Variants in KIF20A observed in about 807,000 individuals in gnomAD.
The protein encoded by KIF20A is kinesin-like protein KIF20A.
KIF20A carries 66 observed loss-of-function variants against 113.0 expected under a neutral mutation model. The ratio of observed to expected loss-of-function variants is 0.58; its 90% confidence interval spans 0.48 to 0.72. The LOEUF is 0.72. Ranked by LOEUF, KIF20A falls within the 30% of genes least tolerant of loss-of-function variation. The probability of loss-of-function intolerance (pLI) is 0.00; values close to 1 mark genes in which losing one functional copy is unlikely to be tolerated. For missense variants in KIF20A, 927 were observed against 1,077.6 expected, an observed-to-expected ratio of 0.86 and a Z score of 1.96; for synonymous variants, 376 against 402.3, an observed-to-expected ratio of 0.93 and a Z score of 0.78.
Position 138,184,271 on chromosome 5 carries a change from G to A in KIF20A, c.1385G>A (p.Ser462Asn), listed in dbSNP as rs1380517116. 6.2e-7 allele frequency: 1 copy of A among 1,614,046 alleles called. No homozygotes were observed. Among genetic ancestry groups the A allele is most frequent in the Non-Finnish European group, 8.5e-7 (1 of 1,180,030 alleles). The change falls in exon 12 of 19, where the codon AGC becomes AAC. Residue 462 changes from serine (S) to asparagine (N), a missense_variant. Coordinates refer to ENST00000394894, the MANE Select transcript of KIF20A (RefSeq NM_005733.3). ...SKQNLVPFRD[S>N]KLTRVFQGFF... ...CAGAACCTGGTTCCCTTCCGTGACAGCAAGTTGACTCGAGTGTTCCAAGGT... is the reference window on the plus strand; with the variant it reads ...CAGAACCTGGTTCCCTTCCGTGACAACAAGTTGACTCGAGTGTTCCAAGGT...
intron 4 of KIF20A, chr5:138,181,963 C>T: frequency 1.7e-6 from 1 of 589,642 alleles, no homozygotes; most frequent in Non-Finnish European, 3.0e-6. Context: ...GATAGTGTGG[C>T]TCAATGAATG....
At chr5:138,185,462 C>A in intron 15 of KIF20A, 50 bp from the exon 16 acceptor site, 1 of 1,549,064 alleles carries the variant, frequency 6.5e-7, no homozygotes, top group Non-Finnish European at 8.9e-7. Flanking sequence ...TCTGTCTTAG[C>A]AATATTTTTC....
chr5:138,183,243 A>C lies in KIF20A; in HGVS notation c.907A>C (p.Ile303Leu). 6.2e-7 allele frequency: 1 copy of C among 1,614,106 alleles called. No homozygotes were observed. Among genetic ancestry groups the C allele is most frequent in the Non-Finnish European group, 8.5e-7 (1 of 1,180,032 alleles). The part of the protein sequence containing the change: ...VPANIRFSIW[I>L]SFFEIYNELL... Reference sequence around the variant, plus strand: ...GGCAAACATTCGCTTCTCCATCTGGATCTCATTCTTTGAGATCTACAACGA... The same window carrying C: ...GGCAAACATTCGCTTCTCCATCTGGCTCTCATTCTTTGAGATCTACAACGA... The change falls in exon 8 of 19, where the codon ATC becomes CTC. Residue 303 changes from isoleucine (I) to leucine (L), a missense_variant. Ile to Leu is a conservative substitution (Grantham distance 5). Transcript: ENST00000394894. This position sits in a 1 kb window ranked among gnomAD's most constrained non-coding sequence, Gnocchi z 5.2.
rs17171772 is a variant in KIF20A, at chr5:138,179,164, A to G, written c.-60A>G. 0.34 allele frequency: 62,645 copies of G among 182,224 alleles called. 11,127 individuals carry two copies. Among genetic ancestry groups the G allele is most frequent in the South Asian group, 0.43 (4,300 of 10,094 alleles). The allele number at this position is 182,224 out of a possible 1,614,324, so 11.3% of individuals were successfully genotyped here. A position where few individuals can be genotyped will look rare whatever the true frequency, so the allele number is the denominator to read the frequency against. On this transcript the variant is annotated 5_prime_UTR_variant, in exon 1 of 19. Coordinates refer to ENST00000394894, the MANE Select transcript of KIF20A (RefSeq NM_005733.3). ...CCAGCTTCGGCGACTAGGTGTGAGT[A>G]AGCCAGTATCCCAGGAGGAGCAAGT...
chr5:138,184,709 T>A (rs995461544), intron 13 of KIF20A, 33 bp downstream of exon 13: 3 of 1,611,428 alleles, frequency 1.9e-6, no homozygotes, highest in Non-Finnish European at 2.5e-6. Flanking sequence ...GTGTAGCAGC[T>A]TAGTAGCTAC....
At position 138,184,521 on chromosome 5, in the gene KIF20A, G is replaced by GC. The variant is rs1204021793; in HGVS notation, c.1532dup (p.Pro512ThrfsTer17). On this transcript the variant is annotated frameshift_variant, in exon 13 of 19. Transcript: ENST00000394894. LOFTEE classifies it high-confidence loss of function. Reference sequence around the variant, plus strand: ...TTTTTTTTCCCTCTAGCTTGTGCATGCCCCACCTATGCAACTGGGATTCCC... The same window carrying GC: ...TTTTTTTTCCCTCTAGCTTGTGCATGCCCCCACCTATGCAACTGGGATTCCC... The GC allele has an allele frequency of 6.2e-7, 1 of 1,613,524 alleles. No homozygotes were observed. The highest frequency in any genetic ancestry group is 8.5e-7 in the Non-Finnish European group (1 of 1,179,674).
intron 4 of KIF20A, chr5:138,182,018 C>T (rs1754668996): frequency 3.5e-6 from 2 of 568,138 alleles, no homozygotes; most frequent in South Asian, 2.2e-5. Flanking sequence ...AGAGTTAGGA[C>T]CTGAGTCTAG....
intron 2 of KIF20A, among the ~76,000 whole-genome samples, chr5:138,180,848 T>A (rs1017779687): frequency 4.6e-5 from 7 of 152,110 alleles, no homozygotes; most frequent in Non-Finnish European, 5.9e-5. Context: ...AGCTAATTTT[T>A]GTATTTTTAG....
chr5:138,186,257 C>G, intron 17 of KIF20A, 37 bp from the exon 18 acceptor site: 2 of 1,575,282 alleles, frequency 1.3e-6, no homozygotes, highest in Non-Finnish European at 1.7e-6. Context: ...CCTGGTTGCT[C>G]TTGGCCACAA....
rs1403229682 is a variant in KIF20A, at chr5:138,184,313, G to A, written c.1427G>A (p.Gly476Asp). 18 of 1,614,044 alleles carry A rather than the reference G, an allele frequency of 1.1e-5. No individual in the cohort carries two copies. Among genetic ancestry groups the A allele is most frequent in the Non-Finnish European group, 1.4e-5 (16 of 1,180,032 alleles). Residue 476 changes from glycine to aspartate, a missense_variant, in exon 12 of 19, where the codon GGC becomes GAC. Transcript: ENST00000394894. ...RVFQGFFTGR[G>D]RSCMIVNVNP... ...TTCCAAGGTTTCTTCACAGGCCGAG[G>A]CCGTTCCTGCATGATTGTCAATGTG...
Position 138,183,514 on chromosome 5 carries a change from C to T in KIF20A, c.1072C>T (p.Leu358Phe). 6.2e-7 allele frequency: 1 copy of T among 1,614,122 alleles called. No homozygotes were observed. Among genetic ancestry groups the T allele is most frequent in the Non-Finnish European group, 8.5e-7 (1 of 1,180,024 alleles). Reference protein sequence around the residue: ...HVQDAEEAWKLLKVGRKNQSF... With the variant: ...HVQDAEEAWKFLKVGRKNQSF... ...GCAAGATGCTGAGGAGGCCTGGAAG[C>T]TCCTAAAAGTGGGTCGTAAGAACCA... The change falls in exon 9 of 19, where the codon CTC (leucine) becomes TTC (phenylalanine). Residue 358 changes from leucine to phenylalanine, a missense_variant. By Grantham distance (22) the Leu-to-Phe change is conservative (BLOSUM62 0). Coordinates refer to ENST00000394894, the MANE Select transcript of KIF20A (RefSeq NM_005733.3). This position sits in a 1 kb window ranked among gnomAD's most constrained non-coding sequence, Gnocchi z 5.2.
Position 138,182,620 on chromosome 5 carries a change from C to G in KIF20A, c.549C>G (p.Ser183=). ...TIKDGGILPR[S]LALIFNSLQG... Reference sequence around the variant, plus strand: ...AGGATGGAGGGATTCTCCCCCGGTCCCTGGCGCTGATCTTCAATAGCCTCC... The same window carrying G: ...AGGATGGAGGGATTCTCCCCCGGTCGCTGGCGCTGATCTTCAATAGCCTCC... Residue 183 remains serine (S), a synonymous_variant, in exon 6 of 19, where the codon TCC becomes TCG. Coordinates refer to ENST00000394894, the MANE Select transcript of KIF20A (RefSeq NM_005733.3). The G allele has an allele frequency of 3.1e-6, 5 of 1,614,190 alleles. No individual in the cohort carries two copies. Among genetic ancestry groups the G allele is most frequent in the Non-Finnish European group, 4.2e-6 (5 of 1,180,042 alleles).
chr5:138,182,037 A>G (rs1754669363), intron 4 of KIF20A: 1 of 566,044 alleles, frequency 1.8e-6, no homozygotes, highest in Non-Finnish European at 3.1e-6. Context: ...AGATCCATGT[A>G]TCTCCAAAGC....
chr5:138,185,455 G>A (rs1754728832), intron 15 of KIF20A, 57 bp from the exon 16 acceptor site: 3 of 1,525,834 alleles, frequency 2.0e-6, no homozygotes, highest in Non-Finnish European at 2.7e-6. Flanking sequence ...TCAGTCATCT[G>A]TCTTAGCAAT....
rs771474139 is a variant in KIF20A, at chr5:138,184,817, A to G, written c.1694A>G (p.Gln565Arg). 1 of 1,614,096 alleles carries G rather than the reference A, an allele frequency of 6.2e-7. No homozygotes were observed. Among genetic ancestry groups the G allele is most frequent in the Non-Finnish European group, 8.5e-7 (1 of 1,179,970 alleles). Residue 565 changes from glutamine to arginine, a missense_variant, in exon 14 of 19, where the codon CAA becomes CGA. Gln to Arg is a conservative substitution (Grantham distance 43, BLOSUM62 1). Coordinates refer to ENST00000394894, the MANE Select transcript of KIF20A (RefSeq NM_005733.3). ...GTGTGTCTCTCCTAGGAGCTCCTAC[A>G]AGTTGTGGAAGCCATGAAGACACTG... is the stretch of plus-strand genomic sequence containing the variant. ...ISMYGKEELL[Q>R]VVEAMKTLLL...
chr5:138,185,792 C>CTAACA (rs1754734385), intron 16 of KIF20A, 82 bp downstream of exon 16: 1 of 1,479,162 alleles, frequency 6.8e-7, no homozygotes, highest in African/African-American at 1.4e-5. Flanking sequence ...AACTCCTGCT[C>CTAACA]TAACATAATT....
intron 6 of KIF20A, 43 bp downstream of exon 6, chr5:138,182,816 A>G (rs1228383137): frequency 6.2e-7 from 1 of 1,613,588 alleles, no homozygotes; most frequent in Admixed American, 1.7e-5. Context: ...GGGGGTACAA[A>G]TCTCGGGGAA....
chr5:138,182,763 G>A lies in KIF20A; in HGVS notation c.692G>A (p.Gly231Asp). The A allele has an allele frequency of 6.2e-7, 1 of 1,613,642 alleles. No homozygotes were observed. Among genetic ancestry groups the A allele is most frequent in the Non-Finnish European group, 8.5e-7 (1 of 1,180,014 alleles). The stretch of plus-strand genomic sequence containing the variant: ...AAGAAGCTGTCCCTGCTAAATGGAG[G>A]CCTCCAAGAGGTAAAGCATTGGTAT... Reference protein sequence around the residue: ...EMKKLSLLNGGLQEEELSTSL... With the variant: ...EMKKLSLLNGDLQEEELSTSL... Residue 231 changes from glycine (G) to aspartate (D), a missense_variant, in exon 6 of 19, where the codon GGC (glycine) becomes GAC (aspartate). Physicochemically the swap from Gly to Asp is moderately conservative, Grantham distance 94 (BLOSUM62 -1). Transcript: ENST00000394894.
Position 138,183,724 on chromosome 5 carries a change from G to A in KIF20A, c.1176G>A (p.Gln392=), listed in dbSNP as rs1425750989. The change falls in exon 10 of 19, where the codon CAG becomes CAA. Residue 392 remains glutamine (Q), a synonymous_variant. Coordinates refer to ENST00000394894, the MANE Select transcript of KIF20A (RefSeq NM_005733.3). The surrounding 1 kb of genome is among the most constrained non-coding windows in gnomAD (Gnocchi z 5.2). ...TCTCAATCAGGATCCTACACCTTCA[G>A]GGGGAAGGAGATATAGTCCCCAAGA... ...SIFSIRILHL[Q]GEGDIVPKIS... 11 of 1,613,694 alleles carry A rather than the reference G, an allele frequency of 6.8e-6. No individual in the cohort carries two copies. The highest frequency in any genetic ancestry group is 9.3e-6 in the Non-Finnish European group (11 of 1,179,832).
Sources: gnomAD v4.1 joint callset for allele counts (sites outside exome capture counted in the v4.1 genomes callset) on GRCh38, gnomAD v4.1.1 for gene constraint, Gnocchi (gnomAD v3.1) non-coding constraint, MANE v1.5 for transcripts, NCBI Gene and HGNC (gene_info 2026-07-23, HGNC 2026-07-21) for gene names.